The following AGGF1 variants were observed in gnomAD, a reference collection of about 807,000 sequenced individuals.
The protein encoded by AGGF1 is angiogenic factor with G-patch and FHA domains 1, also known as angiogenic factor with G patch and FHA domains 1.
A neutral mutation model predicts 86.5 loss-of-function variants in AGGF1; 56 were observed. That is an observed-to-expected ratio of 0.65 (90% CI 0.52 to 0.81). The LOEUF is 0.81. AGGF1 is among the 30% of genes least tolerant of loss of function. The probability of loss-of-function intolerance (pLI) is 0.00; values close to 1 mark genes in which losing one functional copy is unlikely to be tolerated. For synonymous variants in AGGF1, 313 were observed against 297.1 expected (o/e 1.05, Z -0.55); for missense variants, 816 against 850.9 (o/e 0.96, Z 0.51).
chr5:77,045,654 G>T (rs907280912), intron 5 of AGGF1, among the ~76,000 whole-genome samples: 1 of 152,120 alleles, frequency 6.6e-6, no homozygotes, highest in Non-Finnish European at 1.5e-5. Flanking sequence ...GAGTACATTT[G>T]GATCTTTAAA....
intron 12 of AGGF1, among the ~76,000 whole-genome samples, chr5:77,060,232 C>T (rs946860552): frequency 1.1e-4 from 17 of 152,090 alleles, no homozygotes; most frequent in Non-Finnish European, 1.9e-4. Context: ...TCTATTATCC[C>T]CTAAAAAATT....
chr5:77,046,287 A>C, intron 5 of AGGF1, 60 bp from the exon 6 acceptor site: 1 of 1,350,048 alleles, frequency 7.4e-7, no homozygotes, highest in East Asian at 2.3e-5. Flanking sequence ...TAATGTTATA[A>C]GATAGTGATG....
chr5:77,062,221 A>G (rs982434815), intron 13 of AGGF1, among the ~76,000 whole-genome samples: 2 of 152,212 alleles, frequency 1.3e-5, no homozygotes, highest in African/African-American at 4.8e-5. Context: ...TCTCTGGAAA[A>G]TGACATAGTG....
chr5:77,058,028 G>A (rs7736926), intron 11 of AGGF1, among the ~76,000 whole-genome samples: 18,711 of 152,166 alleles, frequency 0.12, 1,250 homozygotes, highest in East Asian at 0.28. Context: ...TTAGACACAA[G>A]GGAGGAATGC....
At chr5:77,060,127 C>G (rs1253118563) in intron 12 of AGGF1, among the ~76,000 whole-genome samples, 1 of 152,220 alleles carries the variant, frequency 6.6e-6, no homozygotes, top group East Asian at 1.9e-4. Flanking sequence ...CCGGCGTGAG[C>G]TACCACGTCT....
In AGGF1 at chr5:77,060,059, G is replaced by C. The variant is rs184322519; in HGVS notation, c.1844+316G>C. Among the ~76,000 whole-genome samples the C allele has an allele frequency of 5.3e-5, 8 of 152,276 alleles. No homozygotes were observed. The East Asian group carries it at 1.4e-3, about 26-fold the overall frequency. ...GTTTCACATGTTGTTGGCCAGGCTG[G>C]TCTTGAACTCCTGACCTCATGATCC... On this transcript the variant is annotated intron_variant, in intron 12 of 13. Transcript: ENST00000312916.
rs1742756615 is a variant in AGGF1, at chr5:77,064,665, T to TA, written c.*1414dup. 1 of 152,198 alleles carries TA rather than the reference T, an allele frequency of 6.6e-6. No homozygotes were observed. The highest frequency in any genetic ancestry group is 2.4e-5 in the African/African-American group (1 of 41,466). 9.4% of individuals were successfully genotyped at this position (152,198 alleles called of 1,614,324 possible). A position where few individuals can be genotyped will look rare whatever the true frequency, so the allele number is the denominator to read the frequency against. On this transcript the variant is annotated 3_prime_UTR_variant, in exon 14 of 14. Transcript: ENST00000312916. Reference sequence around the variant, plus strand: ...TTGGCCACCTGCATAGTCTGACACATACGTATGTACAGTTAGACTTGCAGG... The same window carrying TA: ...TTGGCCACCTGCATAGTCTGACACATAACGTATGTACAGTTAGACTTGCAGG...
chr5:77,040,626 G>C (rs551743474), intron 5 of AGGF1, among the ~76,000 whole-genome samples: 1 of 152,280 alleles, frequency 6.6e-6, no homozygotes, highest in East Asian at 1.9e-4. Context: ...ATGTTAAATT[G>C]AAAGAAGGAA....
At chr5:77,032,141 TTGTA>T (rs1291048471) in intron 1 of AGGF1, among the ~76,000 whole-genome samples, 2 of 151,788 alleles carry the variant, frequency 1.3e-5, no homozygotes, top group African/African-American at 4.8e-5. Flanking sequence ...TGCAATGACT[TTGTA>T]TGACCATTAC....
intron 8 of AGGF1, among the ~76,000 whole-genome samples, chr5:77,051,028 G>A (rs1482343453): frequency 6.6e-6 from 1 of 152,118 alleles, no homozygotes; most frequent in Non-Finnish European, 1.5e-5. Flanking sequence ...TTTTGGAATA[G>A]GGTTTGGCAG....
chr5:77,036,677 C>G lies in AGGF1; in HGVS notation c.638C>G (p.Thr213Ser). 1 of 1,613,200 alleles carries G rather than the reference C, an allele frequency of 6.2e-7. No individual in the cohort carries two copies. Among genetic ancestry groups the G allele is most frequent in the Non-Finnish European group, 8.5e-7 (1 of 1,180,012 alleles). Residue 213 changes from threonine (T) to serine (S), a missense_variant, in exon 4 of 14, where the codon ACT becomes AGT. This residue lies in a region of AGGF1 where 11 missense variants were observed against 30.7 expected (regional missense o/e 0.36). Coordinates refer to ENST00000312916, the MANE Select transcript of AGGF1 (RefSeq NM_018046.5). The part of the protein sequence containing the change: ...SQTGFSYDEN[T>S]GLYFDHSTGF... ...ACTGGATTTAGTTATGATGAAAATA[C>G]TGGACTGTATTTTGACCACAGCACT...
chr5:77,046,632 A>G lies in AGGF1; in HGVS notation c.1156A>G (p.Ile386Val), dbSNP rs1419139025. The stretch of plus-strand genomic sequence containing the variant: ...GACTGAGGATAGTTATGACGAAGCC[A>G]TTACCAGTGAAGGCAATGTAACTGC... Reference protein sequence around the residue: ...SQTEDSYDEAITSEGNVTAED... With the variant: ...SQTEDSYDEAVTSEGNVTAED... Residue 386 changes from isoleucine (I) to valine (V), a missense_variant, in exon 6 of 14, where the codon ATT (isoleucine) becomes GTT (valine). Transcript: ENST00000312916. 2.5e-6 allele frequency: 4 copies of G among 1,614,084 alleles called. No individual in the cohort carries two copies. Among genetic ancestry groups the G allele is most frequent in the Non-Finnish European group, 3.4e-6 (4 of 1,179,958 alleles).
At chr5:77,055,777 A>G (rs1747447101) in intron 11 of AGGF1, among the ~76,000 whole-genome samples, 181 bp downstream of exon 11, 1 of 152,236 alleles carries the variant, frequency 6.6e-6, no homozygotes, top group Admixed American at 6.5e-5. Context: ...GAGTAGAAAA[A>G]TGATAATAGC....
In AGGF1 at chr5:77,055,630, C is replaced by G. The variant is rs368578764; in HGVS notation, c.1716+34C>G. On this transcript the variant is annotated intron_variant, in intron 11 of 13. Transcript: ENST00000312916. ...GTTGAATATTGTTTCATTTGTTAAG[C>G]TGTATATCTGGTTTTGAGTAAAAAT... 4.9e-4 allele frequency: 709 copies of G among 1,440,898 alleles called. 5 individuals carry two copies. The highest frequency in any genetic ancestry group is 6.3e-4 in the Non-Finnish European group (645 of 1,027,654). The allele number at this position is 1,440,898 out of a possible 1,614,324, so 89.3% of individuals were successfully genotyped here.
chr5:77,059,221 T>C (rs1380362824), intron 11 of AGGF1, among the ~76,000 whole-genome samples: 1 of 152,234 alleles, frequency 6.6e-6, no homozygotes, highest in African/African-American at 2.4e-5. Flanking sequence ...TACTGTTATT[T>C]TCACCATGTC....
intron 1 of AGGF1, among the ~76,000 whole-genome samples, chr5:77,032,254 A>AAAAAG: frequency 1.0e-5 from 1 of 95,440 alleles, no homozygotes. Context: ...AAATATGGTA[A>AAAAAG]AAAAAAAAAA....
intron 6 of AGGF1, among the ~76,000 whole-genome samples, chr5:77,047,911 A>G (rs1747300591): frequency 6.6e-6 from 1 of 152,006 alleles, no homozygotes; most frequent in Non-Finnish European, 1.5e-5. Flanking sequence ...CTTAAAAAAG[A>G]AAGAGTTGAT....
chr5:77,052,787 A>C lies in AGGF1; in HGVS notation c.1447A>C (p.Asn483His). The C allele has an allele frequency of 6.2e-7, 1 of 1,613,326 alleles. No individual in the cohort carries two copies. Among genetic ancestry groups the C allele is most frequent in the Non-Finnish European group, 8.5e-7 (1 of 1,179,412 alleles). Residue 483 changes from asparagine (N) to histidine (H), a missense_variant, in exon 9 of 14, where the codon AAT becomes CAT. By Grantham distance (68) the Asn-to-His change is moderately conservative. Transcript: ENST00000312916. ...AGGCAGTCAAAATGGCACAATTGTT[A>C]ATGGAAAACAGATTCTTCAGGTGAG... ...DQGSQNGTIV[N>H]GKQILQPKTK...
chr5:77,060,029 A>G (rs1275585588), intron 12 of AGGF1, among the ~76,000 whole-genome samples: 2 of 152,062 alleles, frequency 1.3e-5, no homozygotes, highest in African/African-American at 2.4e-5. Flanking sequence ...TTTAGTAGAG[A>G]CGGGGTTTCA....
Sources: gnomAD v4.1 joint callset for allele counts (sites outside exome capture counted in the v4.1 genomes callset) on GRCh38, gnomAD v4.1.1 for gene constraint, gnomAD v4.1.1 regional missense constraint, MANE v1.5 for transcripts, NCBI Gene and HGNC (gene_info 2026-07-23, HGNC 2026-07-21) for gene names.